Variants in NPSR1 observed in about 807,000 individuals in gnomAD.
NPSR1 encodes the protein neuropeptide S receptor 1, also known as neuropeptide S receptor.
NPSR1 carries 48 observed loss-of-function variants against 46.9 expected under a neutral mutation model. The observed-to-expected ratio is 1.02, with a 90% CI of 0.81 to 1.30. The LOEUF is 1.30. NPSR1 is among the 50% of genes most tolerant of loss of function. NPSR1 has a pLI of 0.00. For synonymous variants in NPSR1, 176 were observed against 168.1 expected, an observed-to-expected ratio of 1.05 and a Z score of -0.36; for missense variants, 450 against 449.5, an observed-to-expected ratio of 1.00 and a Z score of -0.01.
chr7:34,696,132 G>A (rs1483621067), intron 2 of NPSR1, among the ~76,000 whole-genome samples: 2 of 146,758 alleles, frequency 1.4e-5, no homozygotes, highest in Non-Finnish European at 3.0e-5. Flanking sequence ...ATACTATGCA[G>A]CTATAAAAAA....
chr7:34,847,568 T>A (rs1584139264), intron 7 of NPSR1, among the ~76,000 whole-genome samples: 1 of 152,136 alleles, frequency 6.6e-6, no homozygotes, highest in African/African-American at 2.4e-5. Flanking sequence ...ATGGATGGGG[T>A]ACATTTCAGT....
intron 8 of NPSR1, among the ~76,000 whole-genome samples, chr7:34,855,461 G>A (rs1336571774): frequency 6.6e-6 from 1 of 152,070 alleles, no homozygotes; most frequent in Non-Finnish European, 1.5e-5. Flanking sequence ...AGGATATTAT[G>A]ATCAAGCTTA....
chr7:34,847,338 G>A (rs1315262256), intron 7 of NPSR1, among the ~76,000 whole-genome samples: 1 of 152,114 alleles, frequency 6.6e-6, no homozygotes, highest in Non-Finnish European at 1.5e-5. Flanking sequence ...AGAGATGCGT[G>A]TATTTCCAGT....
At chr7:34,780,867 C>T (rs35949733) in intron 3 of NPSR1, among the ~76,000 whole-genome samples, 10,045 of 152,182 alleles carry the variant, frequency 0.066, 943 homozygotes, top group African/African-American at 0.21. Flanking sequence ...CTGTGAAAAA[C>T]GTTTCTCCTC....
At chr7:34,703,714 C>A (rs33927965) in intron 2 of NPSR1, 30,428 of 152,426 alleles carry the variant, frequency 0.2, 3,535 homozygotes, top group African/African-American at 0.33. Context: ...ACTATTTTGG[C>A]ACATTCTGTA....
chr7:34,684,487 G>A, intron 1 of NPSR1, 65 bp from the exon 2 acceptor site: 2 of 1,534,946 alleles, frequency 1.3e-6, no homozygotes, highest in Non-Finnish European at 1.8e-6. Flanking sequence ...GCCTGGGGCA[G>A]GCATTCTGTA....
At chr7:34,875,124 T>G (rs1269081515) in intron 8 of NPSR1, among the ~76,000 whole-genome samples, 2 of 152,194 alleles carry the variant, frequency 1.3e-5, no homozygotes, top group African/African-American at 4.8e-5. Context: ...CTTTGCATAT[T>G]TATTGGATGA....
At chr7:34,708,018 A>T (rs574800228) in intron 2 of NPSR1, among the ~76,000 whole-genome samples, 1 of 152,106 alleles carries the variant, frequency 6.6e-6, no homozygotes, top group East Asian at 1.9e-4. Flanking sequence ...TCTTATGAGG[A>T]CACCACCAGT....
intron 4 of NPSR1, among the ~76,000 whole-genome samples, chr7:34,817,738 T>C (rs1789315161): frequency 6.6e-6 from 1 of 151,884 alleles, no homozygotes; most frequent in African/African-American, 2.4e-5. Context: ...GTCGGCTTCA[T>C]CCCCGGGATG....
chr7:34,792,715 T>TTATATA (rs374455709), intron 3 of NPSR1, among the ~76,000 whole-genome samples: 29 of 98,920 alleles, frequency 2.9e-4, no homozygotes, highest in African/African-American at 9.7e-4. Flanking sequence ...ATATATATAT[T>TTATATA]TATATATATA....
intron 2 of NPSR1, among the ~76,000 whole-genome samples, chr7:34,769,024 T>G (rs1296968381): frequency 2.0e-5 from 3 of 152,150 alleles, no homozygotes; most frequent in Admixed American, 6.5e-5. Flanking sequence ...AGTTTGGATT[T>G]TAACTGGGGT....
intron 2 of NPSR1, chr7:34,728,785 G>C (rs1784283086): frequency 6.5e-6 from 1 of 152,712 alleles, no homozygotes; most frequent in Non-Finnish European, 1.5e-5. Context: ...TGCAGTGACT[G>C]AACTGTCTCC....
chr7:34,804,710 A>T (rs1288971803), intron 3 of NPSR1, among the ~76,000 whole-genome samples: 2 of 152,072 alleles, frequency 1.3e-5, no homozygotes, highest in Non-Finnish European at 1.5e-5. Flanking sequence ...AAAAGTTTAT[A>T]CATTGGAAAA....
At chr7:34,668,010 G>A (rs1791840873) in intron 1 of NPSR1, among the ~76,000 whole-genome samples, 2 of 151,880 alleles carry the variant, frequency 1.3e-5, no homozygotes, top group African/African-American at 4.8e-5. Flanking sequence ...TAATATTAAT[G>A]TAAAATAAAC....
intron 4 of NPSR1, among the ~76,000 whole-genome samples, chr7:34,814,979 T>A (rs1448676673): frequency 6.6e-6 from 1 of 152,130 alleles, no homozygotes. Context: ...GCGGAAAAGC[T>A]GAAAATTCTA....
downstream of NPSR1, among the ~76,000 whole-genome samples, chr7:34,851,191 T>C (rs1308112114): frequency 2.0e-5 from 3 of 152,254 alleles, no homozygotes; most frequent in East Asian, 5.8e-4. Flanking sequence ...AAATCTTTTT[T>C]TTTTTTTTTG....
At chr7:34,786,390 C>A (rs1787468231) in intron 3 of NPSR1, among the ~76,000 whole-genome samples, 1 of 152,118 alleles carries the variant, frequency 6.6e-6, no homozygotes, top group South Asian at 2.1e-4. Context: ...CTTGCTATTT[C>A]CACCACTTTC....
intron 2 of NPSR1, among the ~76,000 whole-genome samples, chr7:34,690,298 C>T (rs189900441): frequency 5.7e-4 from 86 of 152,192 alleles, no homozygotes; most frequent in African/African-American, 2.0e-3. Context: ...GATAGCTTAT[C>T]TGGATGAGAA....
At chr7:34,773,272 C>T (rs1786772368) in intron 2 of NPSR1, among the ~76,000 whole-genome samples, 1 of 152,128 alleles carries the variant, frequency 6.6e-6, no homozygotes, top group African/African-American at 2.4e-5. Flanking sequence ...TTCATATGTT[C>T]CTTCAGTAGT....
Sources: gnomAD v4.1 joint callset for allele counts (sites outside exome capture counted in the v4.1 genomes callset) on GRCh38, gnomAD v4.1.1 for gene constraint, MANE v1.5 for transcripts, NCBI Gene and HGNC (gene_info 2026-07-23, HGNC 2026-07-21) for gene names.